ANO1: variants seen among roughly 807,000 people sequenced by gnomAD.
ANO1 encodes the protein anoctamin 1.
A neutral mutation model predicts 124.0 loss-of-function variants in ANO1; 59 were observed. That is an observed-to-expected ratio of 0.48 (90% CI 0.39 to 0.59). The LOEUF (loss-of-function observed/expected upper bound fraction) is 0.59. Among genes scored for constraint, ANO1 ranks in the 20% least tolerant of loss-of-function variants. The pLI, the probability that ANO1 is intolerant of heterozygous loss-of-function variation, is 0.00. For missense variants in ANO1, 1,059 were observed against 1,328.0 expected (o/e 0.80, Z 3.15); for synonymous variants, 529 against 532.0 (o/e 0.99, Z 0.08).
chr11:70,085,750 TC>T (rs1442370055), intron 1 of ANO1: 41 of 1,408,162 alleles, frequency 2.9e-5, no homozygotes, highest in Non-Finnish European at 3.1e-5. Context: ...CAGCCTCCAC[TC>T]GAGGCCTTCC....
intron 1 of ANO1, among the ~76,000 whole-genome samples, chr11:70,084,213 A>G (rs55912526): frequency 0.35 from 53,460 of 151,924 alleles, 10,537 homozygotes; most frequent in Middle Eastern, 0.5. Context: ...GCACTGGCAC[A>G]TTCCCTGCAC....
intron 1 of ANO1, among the ~76,000 whole-genome samples, chr11:69,993,767 T>A (rs897208191): frequency 2.0e-5 from 3 of 152,224 alleles, no homozygotes; most frequent in Non-Finnish European, 4.4e-5. Flanking sequence ...CTTTCTGTCT[T>A]CATGGCCTGC....
chr11:70,104,251 G>A (rs1324398997), intron 4 of ANO1, 101 bp downstream of exon 4: 8 of 1,350,474 alleles, frequency 5.9e-6, no homozygotes, highest in Non-Finnish European at 7.9e-6. Flanking sequence ...CCCCAAAGAA[G>A]AGCGTGTTCT....
At chr11:70,005,902 G>C (rs118167464) in intron 1 of ANO1, among the ~76,000 whole-genome samples, 1 of 152,202 alleles carries the variant, frequency 6.6e-6, no homozygotes, top group Non-Finnish European at 1.5e-5. Flanking sequence ...TTAACTGACA[G>C]CAATAGAACA....
intron 1 of ANO1, among the ~76,000 whole-genome samples, chr11:70,053,481 T>C (rs1485206680): frequency 6.7e-6 from 1 of 149,068 alleles, no homozygotes; most frequent in Non-Finnish European, 1.5e-5. Flanking sequence ...ATGCTTTTTG[T>C]AGCACCTACC....
At chr11:70,116,638 CG>C in intron 8 of ANO1, 139 bp downstream of exon 8, 1 of 708,754 alleles carries the variant, frequency 1.4e-6, no homozygotes, top group Non-Finnish European at 2.4e-6. Flanking sequence ...GGCTGAGAAG[CG>C]GGTGTCCCCT....
At chr11:70,017,136 C>T (rs371927161) in intron 1 of ANO1, among the ~76,000 whole-genome samples, 20 of 152,316 alleles carry the variant, frequency 1.3e-4, no homozygotes, top group African/African-American at 2.2e-4. Flanking sequence ...AAATCCCACG[C>T]GGGCCAAGGT....
chr11:70,050,345 C>T lies in ANO1; in HGVS notation c.59-28197C>T, dbSNP rs189353261. Among the ~76,000 whole-genome samples the T allele has an allele frequency of 1.2e-4, 18 of 152,284 alleles. No homozygotes were observed. In the East Asian group the frequency reaches 3.5e-3, roughly 29 times the overall value. ...CTGCAGGATTGGAGGGCCAGGTCCT[C>T]CGCCCCACAGTACAGGTGCAGGCCA... On this transcript the variant is annotated intron_variant, in intron 1 of 27. Coordinates refer to the ANO1 transcript ENST00000531349.
At chr11:70,180,968 C>T (rs2048906761) in intron 23 of ANO1, among the ~76,000 whole-genome samples, 1 of 152,154 alleles carries the variant, frequency 6.6e-6, no homozygotes, top group Non-Finnish European at 1.5e-5. Flanking sequence ...TATCCCCAGG[C>T]CTGCAGGCTA....
At chr11:70,062,223 C>G (rs550016339) in intron 1 of ANO1, among the ~76,000 whole-genome samples, 1 of 151,832 alleles carries the variant, frequency 6.6e-6, no homozygotes, top group East Asian at 1.9e-4. Context: ...ATTACAGACG[C>G]GTACCACCAC....
upstream of ANO1, among the ~76,000 whole-genome samples, chr11:70,076,813 A>G (rs2515280): frequency 0.96 from 146,572 of 152,334 alleles, 70,792 homozygotes; most frequent in East Asian, 1. Flanking sequence ...AGGAAGTCAC[A>G]GACTTGTGCC....
intron 2 of ANO1, among the ~76,000 whole-genome samples, chr11:70,099,122 G>T (rs1054042357): frequency 6.6e-6 from 1 of 152,140 alleles, no homozygotes; most frequent in East Asian, 1.9e-4. Flanking sequence ...GACAAAGTAG[G>T]TTCATGAACC....
At chr11:69,969,715 G>A in the ANO1 span, among the ~76,000 whole-genome samples, 43 of 152,262 alleles carry the variant, frequency 2.8e-4, no homozygotes, top group Non-Finnish European at 4.0e-4. Flanking sequence ...TTGGGAGGCC[G>A]AGGCGGGTGG....
At chr11:70,136,321 C>T (rs142719038) in intron 11 of ANO1, among the ~76,000 whole-genome samples, 126 of 152,264 alleles carry the variant, frequency 8.3e-4, no homozygotes, top group African/African-American at 2.9e-3. Flanking sequence ...TGCAGGAACC[C>T]GCACCAGTCA....
chr11:70,150,170 T>C (rs1590863447), intron 12 of ANO1, among the ~76,000 whole-genome samples: 1 of 151,802 alleles, frequency 6.6e-6, no homozygotes, highest in African/African-American at 2.4e-5. Context: ...TGCCCATGGG[T>C]CTCCAAAAGT....
chr11:70,165,586 C>A lies in ANO1; in HGVS notation c.2051+16C>A, dbSNP rs753306850. 1 of 1,599,400 alleles carries A rather than the reference C, an allele frequency of 6.3e-7. No individual in the cohort carries two copies. Among genetic ancestry groups the A allele is most frequent in the Non-Finnish European group, 8.5e-7 (1 of 1,171,454 alleles). The stretch of plus-strand genomic sequence containing the variant: ...TCGGCATCCCGTGAGTGTGCTGCAG[C>A]GGGTTAGAGCGGCAGGGGCGGGGCC... On this transcript the variant is annotated intron_variant, in intron 20 of 25. Transcript: ENST00000355303.
the ANO1 span, among the ~76,000 whole-genome samples, chr11:69,978,447 C>T: frequency 6.6e-6 from 1 of 152,186 alleles, no homozygotes; most frequent in African/African-American, 2.4e-5. Flanking sequence ...ACCTCCAGGG[C>T]TCAGGTGATC....
intron 14 of ANO1, 80 bp from the exon 15 acceptor site, chr11:70,155,831 A>C (rs950387508): frequency 7.5e-7 from 1 of 1,331,236 alleles, no homozygotes; most frequent in Non-Finnish European, 1.0e-6. Flanking sequence ...CAAGATGGGG[A>C]CGGTTCCCTG....
In ANO1 at chr11:69,987,780, T is replaced by G. The variant is rs568514019; in HGVS notation, c.58+1614T>G. 9.3e-4 allele frequency among the ~76,000 whole-genome samples: 141 copies of G among 152,286 alleles called. 1 individual carries two copies. The highest frequency in any genetic ancestry group is 3.3e-3 in the African/African-American group (137 of 41,554). On this transcript the variant is annotated intron_variant, in intron 1 of 27. Transcript: ENST00000531349. ...TGCATGAGGGTGTACTCTGGAGGCCTGTGCTTTGGTCTTTATAGGCTTTAC... is the reference window on the plus strand; with the variant it reads ...TGCATGAGGGTGTACTCTGGAGGCCGGTGCTTTGGTCTTTATAGGCTTTAC...
Sources: allele counts gnomAD v4.1 joint callset (sites outside exome capture counted in the v4.1 genomes callset), GRCh38; gene constraint gnomAD v4.1.1; transcripts MANE v1.5; gene names NCBI Gene and HGNC (gene_info 2026-07-23, HGNC 2026-07-21).